PPP1R9A: variants seen among roughly 807,000 people sequenced by gnomAD.
PPP1R9A encodes protein phosphatase 1 regulatory subunit 9A.
In PPP1R9A, 59 loss-of-function variants were observed where a neutral mutation model predicts 141.9. That is an observed-to-expected ratio of 0.42 (90% confidence interval 0.34 to 0.52). The LOEUF (loss-of-function observed/expected upper bound fraction) is 0.52, where lower values mean the gene tolerates loss of function less well. Among genes scored for constraint, PPP1R9A ranks in the 20% least tolerant of loss-of-function variants. PPP1R9A has a pLI of 0.10. For missense variants in PPP1R9A, 1,444 were observed against 1,611.9 expected (o/e 0.90, Z 1.78); for synonymous variants, 500 against 569.7 (o/e 0.88, Z 1.74).
intron 4 of PPP1R9A, among the ~76,000 whole-genome samples, chr7:95,157,806 G>C (rs1468694199): frequency 6.6e-6 from 1 of 152,104 alleles, no homozygotes; most frequent in Admixed American, 6.5e-5. Context: ...ATCAAAATGT[G>C]ATTTATGCCA....
chr7:95,057,303 A>G (rs1341656241), intron 2 of PPP1R9A, among the ~76,000 whole-genome samples: 3 of 152,140 alleles, frequency 2.0e-5, no homozygotes. Context: ...AACATGGAGA[A>G]AAAGCAAATA....
At chr7:95,102,996 G>T (rs76498979) in intron 2 of PPP1R9A, among the ~76,000 whole-genome samples, 1,591 of 152,194 alleles carry the variant, frequency 0.01, 12 homozygotes, top group Non-Finnish European at 0.016. Context: ...TCCTTAACGT[G>T]GATTGGCCTC....
Position 94,949,907 on chromosome 7 carries a change from CT to C in PPP1R9A, c.1395+38415del, listed in dbSNP as rs201956798. ...GTTTTCTTTCCCCAGTAAAACAGTTCTTTTTTTTTTTTTTTTGAATGGTCAC... is the reference window on the plus strand; with the variant it reads ...GTTTTCTTTCCCCAGTAAAACAGTTCTTTTTTTTTTTTTTTGAATGGTCAC... On this transcript the variant is annotated intron_variant, in intron 2 of 19. Transcript: ENST00000433360. Among the ~76,000 whole-genome samples, 1,008 of 118,016 alleles carry C rather than the reference CT, an allele frequency of 8.5e-3. 4 individuals carry two copies. The highest frequency in any genetic ancestry group is 0.015 in the Admixed American group (186 of 12,178). The allele number at this position is 118,016 out of a possible 152,430, so 77.4% of individuals were successfully genotyped here. A position where few individuals can be genotyped will look rare whatever the true frequency, so the allele number is the denominator to read the frequency against.
chr7:95,042,558 G>A (rs747319267), intron 2 of PPP1R9A, among the ~76,000 whole-genome samples: 1 of 152,148 alleles, frequency 6.6e-6, no homozygotes, highest in Non-Finnish European at 1.5e-5. Context: ...AACCATACAC[G>A]TGATTCATTT....
Position 95,012,257 on chromosome 7 carries a change from G to A in PPP1R9A, c.1396-99002G>A, listed in dbSNP as rs143777040. Among the ~76,000 whole-genome samples, 984 of 152,156 alleles carry A rather than the reference G, an allele frequency of 6.5e-3. 13 individuals are homozygous for A. Among genetic ancestry groups the A allele is most frequent in the African/African-American group, 0.023 (937 of 41,510 alleles). On this transcript the variant is annotated intron_variant, in intron 2 of 19. Coordinates refer to ENST00000433360, the MANE Select transcript of PPP1R9A (RefSeq NM_001166160.2). Reference sequence around the variant, plus strand: ...TCAGGAAACTTACTGAGGTCATGGCGGAAGGTAAAGAGGAAGCAGGCTCGA... The same window carrying A: ...TCAGGAAACTTACTGAGGTCATGGCAGAAGGTAAAGAGGAAGCAGGCTCGA...
chr7:95,211,745 G>T (rs192832933), intron 7 of PPP1R9A, among the ~76,000 whole-genome samples: 50 of 152,266 alleles, frequency 3.3e-4, no homozygotes, highest in African/African-American at 1.2e-3. Flanking sequence ...TCAATACTTT[G>T]GGAGGTTGAG....
intron 2 of PPP1R9A, among the ~76,000 whole-genome samples, chr7:94,936,747 A>T (rs1263215552): frequency 6.6e-6 from 1 of 151,982 alleles, no homozygotes; most frequent in African/African-American, 2.4e-5. Flanking sequence ...AATTCTAAAC[A>T]TACTGGTGGG....
Position 94,910,210 on chromosome 7 carries a change from A to C in PPP1R9A, c.97A>C (p.Thr33Pro). ...YRTEFQALKSTFDKPKSDGEQ... is the reference protein window; with the variant it reads ...YRTEFQALKSPFDKPKSDGEQ... ...AACTGAGTTTCAGGCACTGAAAAGTACCTTTGACAAACCCAAGTCAGATGG... is the reference window on the plus strand; with the variant it reads ...AACTGAGTTTCAGGCACTGAAAAGTCCCTTTGACAAACCCAAGTCAGATGG... The change falls in exon 2 of 20, where the codon ACC becomes CCC. Residue 33 changes from threonine (T) to proline (P), a missense_variant. Around this residue, in one of 5 missense-constraint regions of PPP1R9A, gnomAD observed 490 missense variants for 521.1 expected, o/e 0.94. Transcript: ENST00000433360. This position sits in a 1 kb window ranked among gnomAD's most constrained non-coding sequence, Gnocchi z 4.5. The C allele has an allele frequency of 6.2e-7, 1 of 1,614,136 alleles. No individual in the cohort carries two copies. Among genetic ancestry groups the C allele is most frequent in the Non-Finnish European group, 8.5e-7 (1 of 1,180,006 alleles).
chr7:94,976,463 C>A (rs557723682), intron 2 of PPP1R9A, among the ~76,000 whole-genome samples: 1 of 151,782 alleles, frequency 6.6e-6, no homozygotes, highest in South Asian at 2.1e-4. Context: ...GCCTCAGCCT[C>A]CCGAGTAGCT....
At chr7:95,175,435 G>A (rs1483544587) in intron 5 of PPP1R9A, among the ~76,000 whole-genome samples, 4 of 151,910 alleles carry the variant, frequency 2.6e-5, no homozygotes, top group Non-Finnish European at 4.4e-5. Context: ...GACCAGGATG[G>A]TGAGAGGTAT....
intron 2 of PPP1R9A, among the ~76,000 whole-genome samples, chr7:95,039,335 G>A (rs186231691): frequency 9.9e-5 from 15 of 152,212 alleles, no homozygotes; most frequent in Admixed American, 2.6e-4. Context: ...TTGGGAGGCT[G>A]AGGCAGGCAG....
intron 2 of PPP1R9A, among the ~76,000 whole-genome samples, chr7:94,980,379 T>C (rs1383328112): frequency 6.6e-6 from 1 of 152,096 alleles, no homozygotes; most frequent in Non-Finnish European, 1.5e-5. Flanking sequence ...ATTACAGTTA[T>C]ATATATAAAA....
At position 94,911,272 on chromosome 7, in the gene PPP1R9A, T is replaced by A. The variant is rs768459578; in HGVS notation, c.1159T>A (p.Ser387Thr). The stretch of plus-strand genomic sequence containing the variant: ...TTGTGGAAAAGAAGTACCTGAAGAT[T>A]CAAATAATTTTGATGGTTCCCATGT... ...SSCGKEVPEDSNNFDGSHVYM... is the reference protein window; with the variant it reads ...SSCGKEVPEDTNNFDGSHVYM... Residue 387 changes from serine (S) to threonine (T), a missense_variant, in exon 2 of 20, where the codon TCA (serine) becomes ACA (threonine). By Grantham distance (58) the Ser-to-Thr change is moderately conservative. This residue lies in a region of PPP1R9A where 490 missense variants were observed against 521.1 expected (regional missense o/e 0.94). Coordinates refer to ENST00000433360, the MANE Select transcript of PPP1R9A (RefSeq NM_001166160.2). The A allele has an allele frequency of 5.0e-6, 8 of 1,614,136 alleles. No homozygotes were observed. The South Asian group carries it at 8.8e-5, about 18-fold the overall frequency.
At chr7:94,961,779 T>G (rs776306823) in intron 2 of PPP1R9A, among the ~76,000 whole-genome samples, 1 of 151,962 alleles carries the variant, frequency 6.6e-6, no homozygotes, top group Non-Finnish European at 1.5e-5. Flanking sequence ...CATGTTTTAC[T>G]CGTGAATTAA....
At chr7:95,202,507 G>T (rs1414902268) in intron 6 of PPP1R9A, 1 of 509,382 alleles carries the variant, frequency 2.0e-6, no homozygotes, top group Non-Finnish European at 2.5e-6. Context: ...CTGTTTAATC[G>T]AAGTATTGAT....
chr7:94,974,130 G>A (rs17519444), intron 2 of PPP1R9A, among the ~76,000 whole-genome samples: 1 of 152,102 alleles, frequency 6.6e-6, no homozygotes, highest in Non-Finnish European at 1.5e-5. Flanking sequence ...ATGTGATATT[G>A]GATGAACTGC....
chr7:95,283,923 ATT>A (rs1804766102), intron 16 of PPP1R9A, 93 bp from the exon 17 acceptor site: 2 of 1,090,586 alleles, frequency 1.8e-6, no homozygotes, highest in Admixed American at 2.9e-5. Context: ...AGTTTCTCAA[ATT>A]GTTACTTCAA....
intron 2 of PPP1R9A, among the ~76,000 whole-genome samples, chr7:95,061,428 T>G (rs1812213188): frequency 6.6e-6 from 1 of 152,318 alleles, no homozygotes; most frequent in East Asian, 1.9e-4. Flanking sequence ...GTTATCATTC[T>G]TTGAATGATG....
At position 95,137,415 on chromosome 7, in the gene PPP1R9A, C is replaced by CAAAAAAAAAAAAAAAAAA. The variant is rs33928009; in HGVS notation, c.1649+16589_1649+16606dup. 3.5e-4 allele frequency among the ~76,000 whole-genome samples: 32 copies of CAAAAAAAAAAAAAAAAAA among 91,488 alleles called. 1 individual carries two copies. Among genetic ancestry groups the CAAAAAAAAAAAAAAAAAA allele is most frequent in the African/African-American group, 1.1e-3 (26 of 23,060 alleles). 60.0% of individuals were successfully genotyped at this position (91,488 alleles called of 152,430 possible). A position where few individuals can be genotyped will look rare whatever the true frequency, so the allele number is the denominator to read the frequency against. On this transcript the variant is annotated intron_variant, in intron 4 of 19. Coordinates refer to ENST00000433360, the MANE Select transcript of PPP1R9A (RefSeq NM_001166160.2). ...CATGTCCCTACAAAGGACATGAACT[C>CAAAAAAAAAAAAAAAAAA]AAAAAAAAAAAAAAAAAAAAAAAGA...
Sources: gnomAD v4.1 joint callset for allele counts (sites outside exome capture counted in the v4.1 genomes callset) on GRCh38, gnomAD v4.1.1 for gene constraint, gnomAD v4.1.1 regional missense constraint, Gnocchi (gnomAD v3.1) non-coding constraint, MANE v1.5 for transcripts, NCBI Gene and HGNC (gene_info 2026-07-23, HGNC 2026-07-21) for gene names.